Variants in FBXL2 observed in about 807,000 individuals in gnomAD.
FBXL2 encodes the protein F-box and leucine rich repeat protein 2.
FBXL2 carries 38 observed loss-of-function variants against 69.2 expected under a neutral mutation model. The observed-to-expected ratio is 0.55, with a 90% CI of 0.42 to 0.72. The LOEUF (loss-of-function observed/expected upper bound fraction) is 0.72, where lower values mean the gene tolerates loss of function less well. FBXL2 is among the 30% of genes least tolerant of loss of function. The pLI is 0.00. For synonymous variants in FBXL2, 192 were observed against 201.3 expected (o/e 0.95, Z 0.39); for missense variants, 354 against 520.3 (o/e 0.68, Z 3.11).
At chr3:33,400,919 G>T in intron 12 of FBXL2, 1 of 1,568,666 alleles carries the variant, frequency 6.4e-7, no homozygotes, top group South Asian at 1.2e-5. Context: ...TTAAAATGTA[G>T]AACCCTGAAA....
At chr3:33,403,526 G>GTCT (rs1371618263) in exon 13 of FBXL2, 3 of 150,362 alleles carry the variant, frequency 2.0e-5, no homozygotes, top group African/African-American at 7.4e-5. Flanking sequence ...CTGTCTGTCT[G>GTCT]GTCTGTCTAT....
Position 33,302,982 on chromosome 3 carries a change from T to TA in FBXL2, c.65+5258dup, listed in dbSNP as rs1316885335. ...AATCATTAAGATATAGCCCAGTGCT[T>TA]ATCATAGGTCCTTGGCAAGCAGTAC... is the stretch of plus-strand genomic sequence containing the variant. On this transcript the variant is annotated intron_variant, in intron 2 of 14. Transcript: ENST00000484457. 3 of 441,934 alleles carry TA rather than the reference T, an allele frequency of 6.8e-6. No homozygotes were observed. In the East Asian group the frequency reaches 2.1e-4, roughly 31 times the overall value. 27.4% of individuals were successfully genotyped at this position (441,934 alleles called of 1,614,324 possible).
At chr3:33,317,916 GGAT>G (rs2037850009) in intron 2 of FBXL2, among the ~76,000 whole-genome samples, 1 of 152,108 alleles carries the variant, frequency 6.6e-6, no homozygotes, top group Non-Finnish European at 1.5e-5. Context: ...TTTGGATTAG[GGAT>G]ACTCAGCCCA....
chr3:33,375,381 T>A lies in FBXL2; in HGVS notation c.751T>A (p.Ser251Thr), dbSNP rs2042569822. ...LSGCSNLTDA[S>T]LTALGLNCPR... ...GGGTTGCAGCAACCTCACAGATGCCTCTCTTACAGCCCTGGGTTTGAACTG... is the reference window on the plus strand; with the variant it reads ...GGGTTGCAGCAACCTCACAGATGCCACTCTTACAGCCCTGGGTTTGAACTG... Residue 251 changes from serine to threonine, a missense_variant, in exon 10 of 15, where the codon TCT (serine) becomes ACT (threonine). By Grantham distance (58) the Ser-to-Thr change is moderately conservative (BLOSUM62 1). Coordinates refer to ENST00000484457, the MANE Select transcript of FBXL2 (RefSeq NM_012157.5). 6.2e-7 allele frequency: 1 copy of A among 1,614,056 alleles called. No individual in the cohort carries two copies. The highest frequency in any genetic ancestry group is 1.1e-5 in the South Asian group (1 of 91,086).
chr3:33,303,776 A>G (rs74991016), intron 2 of FBXL2, among the ~76,000 whole-genome samples: 14,797 of 152,064 alleles, frequency 0.097, 742 homozygotes, highest in South Asian at 0.11. Context: ...AGAAAATCAA[A>G]ATTATTAAGA....
chr3:33,384,228 A>T (rs374144135), intron 14 of FBXL2, 27 bp downstream of exon 14: 7 of 1,600,110 alleles, frequency 4.4e-6, no homozygotes, highest in African/African-American at 1.3e-5. Flanking sequence ...GGAGTCAGTC[A>T]CACCTGACAT....
At chr3:33,352,708 C>A (rs1252373417) in intron 2 of FBXL2, among the ~76,000 whole-genome samples, 1 of 152,056 alleles carries the variant, frequency 6.6e-6, no homozygotes, top group East Asian at 1.9e-4. Context: ...CTAGCCTGGC[C>A]AAAATGGTAA....
At chr3:33,413,371 C>G in the FBXL2 span, among the ~76,000 whole-genome samples, 1 of 151,474 alleles carries the variant, frequency 6.6e-6, no homozygotes, top group Non-Finnish European at 1.5e-5. Flanking sequence ...CACGGTGAAA[C>G]CCCATCTCTA....
chr3:33,400,286 T>G (rs776050805), intron 12 of FBXL2: 1 of 1,590,464 alleles, frequency 6.3e-7, no homozygotes, highest in East Asian at 2.3e-5. Flanking sequence ...GAATTTGCTA[T>G]TAACAATGAA....
chr3:33,413,929 C>T, the FBXL2 span, among the ~76,000 whole-genome samples: 6 of 152,190 alleles, frequency 3.9e-5, no homozygotes, highest in East Asian at 3.9e-4. Context: ...CTAGCCAGCT[C>T]GTCTCCAGAA....
At chr3:33,408,137 G>A (rs530596628), downstream of FBXL2, among the ~76,000 whole-genome samples, 41 of 151,750 alleles carry the variant, frequency 2.7e-4, no homozygotes, top group Middle Eastern at 3.4e-3. Flanking sequence ...TTCTACCAGT[G>A]CTGCCAAACA....
At chr3:33,369,611 A>G (rs1417423289) in intron 5 of FBXL2, among the ~76,000 whole-genome samples, 1 of 151,822 alleles carries the variant, frequency 6.6e-6, no homozygotes, top group Non-Finnish European at 1.5e-5. Flanking sequence ...TATTATCATT[A>G]TTATCATTAT....
At chr3:33,345,296 C>T (rs967782296) in intron 2 of FBXL2, among the ~76,000 whole-genome samples, 8 of 152,146 alleles carry the variant, frequency 5.3e-5, no homozygotes, top group African/African-American at 1.4e-4. Context: ...AACTTAATTA[C>T]GTTTGCACAA....
At chr3:33,330,832 T>G (rs887176557) in intron 2 of FBXL2, among the ~76,000 whole-genome samples, 31 of 151,860 alleles carry the variant, frequency 2.0e-4, no homozygotes, top group Non-Finnish European at 4.1e-4. Context: ...GAGGTTGCAG[T>G]GAGTCAAGAT....
the FBXL2 span, among the ~76,000 whole-genome samples, chr3:33,412,560 C>T: frequency 2.7e-5 from 4 of 145,570 alleles, no homozygotes; most frequent in African/African-American, 7.7e-5. Context: ...TTATCCTGGG[C>T]GAGAGAGCAA....
At chr3:33,422,180 T>C in the FBXL2 span, among the ~76,000 whole-genome samples, 12 of 152,230 alleles carry the variant, frequency 7.9e-5, no homozygotes, top group Admixed American at 2.6e-4. Flanking sequence ...GACAAAGAGG[T>C]AGGGTGAAAG....
In FBXL2 at chr3:33,340,576, TAAA is replaced by T. The variant is rs111348589; in HGVS notation, c.66-18370_66-18368del. ...CCTGGCCAAAATGGGTTATTTTGAT[TAAA>T]AAAAAAAAAAAAAAAAAAAAGAAGG... On this transcript the variant is annotated intron_variant, in intron 2 of 14. Transcript: ENST00000484457. Among the ~76,000 whole-genome samples, 545 of 110,090 alleles carry T rather than the reference TAAA, an allele frequency of 5.0e-3. 9 individuals are homozygous for T. Among genetic ancestry groups the T allele is most frequent in the African/African-American group, 0.016 (464 of 28,588 alleles). 72.2% of individuals were successfully genotyped at this position (110,090 alleles called of 152,430 possible). A position where few individuals can be genotyped will look rare whatever the true frequency, so the allele number is the denominator to read the frequency against.
chr3:33,360,352 C>G (rs2041523825), intron 4 of FBXL2, among the ~76,000 whole-genome samples: 1 of 152,152 alleles, frequency 6.6e-6, no homozygotes. Context: ...AGACTCTTCA[C>G]CTCCTTCTCT....
At chr3:33,286,301 C>G (rs1212923458) in intron 1 of FBXL2, among the ~76,000 whole-genome samples, 2 of 152,162 alleles carry the variant, frequency 1.3e-5, no homozygotes, top group Non-Finnish European at 2.9e-5. Context: ...GCTGGAGGTC[C>G]ACTCCAGACC....
Sources: gnomAD v4.1 joint callset for allele counts (sites outside exome capture counted in the v4.1 genomes callset) on GRCh38, gnomAD v4.1.1 for gene constraint, MANE v1.5 for transcripts, NCBI Gene and HGNC (gene_info 2026-07-23, HGNC 2026-07-21) for gene names.